Variants in AMZ1 observed in about 807,000 individuals in gnomAD.
AMZ1 encodes archaelysin family metallopeptidase 1.
A neutral mutation model predicts 29.9 loss-of-function variants in AMZ1; 39 were observed. The ratio of observed to expected loss-of-function variants is 1.30; its 90% CI spans 1.01 to 1.70. The LOEUF (loss-of-function observed/expected upper bound fraction) is 1.70. AMZ1 is among the 40% of genes most tolerant of loss of function. The pLI, the probability that AMZ1 is intolerant of heterozygous loss-of-function variation, is 0.00. For missense variants in AMZ1, 1,041 were observed against 680.6 expected (o/e 1.53, Z -5.89); for synonymous variants, 458 against 304.0 (o/e 1.51, Z -5.27).
At chr7:2,720,799 C>G (rs1028775283), downstream of AMZ1, among the ~76,000 whole-genome samples, 1 of 152,140 alleles carries the variant, frequency 6.6e-6, no homozygotes, top group African/African-American at 2.4e-5. Context: ...CCTCAGCCTC[C>G]TAAGTAGCTG....
At chr7:2,735,916 G>C (rs535129221) in intron 4 of AMZ1, among the ~76,000 whole-genome samples, 3 of 152,094 alleles carry the variant, frequency 2.0e-5, no homozygotes, top group African/African-American at 2.4e-5. Context: ...GGGACACAGA[G>C]CAACCCTGTG....
chr7:2,762,718 G>A (rs775101980), upstream of AMZ1: 26 of 1,562,712 alleles, frequency 1.7e-5, no homozygotes, highest in Admixed American at 1.9e-5. Flanking sequence ...CCAGAGGGAA[G>A]CAGGCCCCAT....
chr7:2,704,455 C>T (rs1788232793), intron 3 of AMZ1, among the ~76,000 whole-genome samples: 1 of 148,956 alleles, frequency 6.7e-6, no homozygotes, highest in African/African-American at 2.5e-5. Flanking sequence ...TCCCCTCTAT[C>T]CTGGGTGACA....
chr7:2,712,421 G>C lies in AMZ1; in HGVS notation c.1040G>C (p.Ser347Thr). The change falls in exon 7 of 7, where the codon AGC becomes ACC. Residue 347 changes from serine to threonine, a missense_variant. Transcript: ENST00000683327. Reference sequence around the variant, plus strand: ...GTGTGGGAGGACACCCCGCCTGCCAGCGCCGACTCGGGCATGTGCTGTGAG... The same window carrying C: ...GTGTGGGAGGACACCCCGCCTGCCACCGCCGACTCGGGCATGTGCTGTGAG... Reference protein sequence around the residue: ...PSVWEDTPPASADSGMCCESD... With the variant: ...PSVWEDTPPATADSGMCCESD... 6.2e-7 allele frequency: 1 copy of C among 1,611,916 alleles called. No homozygotes were observed. The highest frequency in any genetic ancestry group is 8.5e-7 in the Non-Finnish European group (1 of 1,179,676).
At chr7:2,747,956 T>C (rs976671105) in intron 4 of AMZ1, among the ~76,000 whole-genome samples, 32 of 151,324 alleles carry the variant, frequency 2.1e-4, no homozygotes, top group Admixed American at 5.3e-4. Flanking sequence ...TTACAAGGGA[T>C]GTGAAGGACC....
intron 1 of AMZ1, among the ~76,000 whole-genome samples, chr7:2,692,925 G>A (rs560489403): frequency 5.3e-5 from 8 of 152,190 alleles, no homozygotes; most frequent in African/African-American, 1.7e-4. Context: ...GCCCCCAGAC[G>A]TATCTGCTGC....
chr7:2,709,915 G>C, intron 6 of AMZ1, 99 bp downstream of exon 6: 17 of 1,504,770 alleles, frequency 1.1e-5, no homozygotes, highest in Non-Finnish European at 1.5e-5. Context: ...ACCGCACACA[G>C]GCTTTGTCAA....
upstream of AMZ1, among the ~76,000 whole-genome samples, chr7:2,761,643 C>A (rs1791560889): frequency 6.6e-6 from 1 of 152,120 alleles, no homozygotes; most frequent in African/African-American, 2.4e-5. Flanking sequence ...CAGGACGGAA[C>A]CCAAAGACAA....
chr7:2,718,785 G>C lies in AMZ1; in HGVS notation c.*5907G>C, dbSNP rs545740083. Among the ~76,000 whole-genome samples the C allele has an allele frequency of 1.3e-5, 2 of 152,162 alleles. No individual in the cohort carries two copies. The highest frequency in any genetic ancestry group is 4.8e-5 in the African/African-American group (2 of 41,442). ...GGCAGGCCAGGGCCGAGCTGCGTCC[G>C]GCTCTCAGGGACTTCCTCTCCCTGT... On this transcript the variant is annotated 3_prime_UTR_variant, in exon 7 of 7. Coordinates refer to ENST00000683327, the MANE Select transcript of AMZ1 (RefSeq NM_001384743.1).
chr7:2,760,910 G>A (rs1277322270), upstream of AMZ1, among the ~76,000 whole-genome samples: 1 of 151,812 alleles, frequency 6.6e-6, no homozygotes, highest in African/African-American at 2.4e-5. Context: ...GGTGGGGAGT[G>A]GGGGGTTCTG....
At chr7:2,739,720 G>A (rs1054345184) in intron 4 of AMZ1, among the ~76,000 whole-genome samples, 1 of 152,050 alleles carries the variant, frequency 6.6e-6, no homozygotes, top group Non-Finnish European at 1.5e-5. Flanking sequence ...CGTTGCTCAG[G>A]CTGAGTGTAG....
At chr7:2,706,083 C>T (rs964540931) in intron 3 of AMZ1, among the ~76,000 whole-genome samples, 2 of 152,228 alleles carry the variant, frequency 1.3e-5, no homozygotes, top group African/African-American at 4.8e-5. Context: ...CACGGGGGAG[C>T]CCTCGGGAAA....
In AMZ1 at chr7:2,736,269, G is replaced by A. The variant is rs59828898; in HGVS notation, n.550+26453G>A. 1.6e-3 allele frequency among the ~76,000 whole-genome samples: 236 copies of A among 152,242 alleles called. 3 individuals are homozygous for A. Among genetic ancestry groups the A allele is most frequent in the African/African-American group, 5.5e-3 (228 of 41,508 alleles). On this transcript the variant is annotated intron_variant and non_coding_transcript_variant, in intron 4 of 4. Transcript: ENST00000489665. ...CCAGAGTCCTCTCAACGGCTGCTGC[G>A]GTCACACGATCTAGAAACACGAGTG...
At chr7:2,739,506 T>C (rs1447304336) in intron 4 of AMZ1, among the ~76,000 whole-genome samples, 6 of 152,222 alleles carry the variant, frequency 3.9e-5, no homozygotes, top group African/African-American at 1.4e-4. Context: ...TTACATGCCA[T>C]TGTATGGATA....
chr7:2,743,635 C>A (rs1021287622), intron 4 of AMZ1, among the ~76,000 whole-genome samples: 1 of 152,152 alleles, frequency 6.6e-6, no homozygotes, highest in African/African-American at 2.4e-5. Flanking sequence ...GTGATTTCTG[C>A]ATTTCCAACT....
rs1392591589 is a variant in AMZ1, at chr7:2,715,138, C to A, written c.*2260C>A. 1 of 152,206 alleles carries A rather than the reference C, an allele frequency of 6.6e-6. No homozygotes were observed. 9.4% of individuals were successfully genotyped at this position (152,206 alleles called of 1,614,324 possible). On this transcript the variant is annotated 3_prime_UTR_variant, in exon 7 of 7. Coordinates refer to ENST00000683327, the MANE Select transcript of AMZ1 (RefSeq NM_001384743.1). ...GGACATCGGGAGGGTCAGATGGAAG[C>A]TCTGTGGCCTTTCCTAACTCGGCCT...
chr7:2,709,614 A>C (rs745388344), intron 5 of AMZ1, 26 bp from the exon 6 acceptor site: 3 of 1,600,450 alleles, frequency 1.9e-6, no homozygotes, highest in Non-Finnish European at 2.6e-6. Context: ...GCAGTGAGGC[A>C]AGGTGCTTGG....
At position 2,708,025 on chromosome 7, in the gene AMZ1, G is replaced by A. The variant is rs142430270; in HGVS notation, c.473-563G>A. Among the ~76,000 whole-genome samples, 1,389 of 151,976 alleles carry A rather than the reference G, an allele frequency of 9.1e-3. 31 individuals carry two copies. The highest frequency in any genetic ancestry group is 0.032 in the African/African-American group (1,336 of 41,490). ...TTTAGTAGAGATGGGGTTTTGTCAT[G>A]TTGGCCAGGCTGGTCTCGAACTCCT... On this transcript the variant is annotated intron_variant, in intron 3 of 6. Coordinates refer to ENST00000683327, the MANE Select transcript of AMZ1 (RefSeq NM_001384743.1).
intron 4 of AMZ1, among the ~76,000 whole-genome samples, chr7:2,743,857 G>T (rs115757943): frequency 6.6e-6 from 1 of 151,954 alleles, no homozygotes; most frequent in Non-Finnish European, 1.5e-5. Flanking sequence ...CTTAAAAAAC[G>T]GCACACCAGA....
Sources: allele counts gnomAD v4.1 joint callset (sites outside exome capture counted in the v4.1 genomes callset), GRCh38; gene constraint gnomAD v4.1.1; transcripts MANE v1.5; gene names NCBI Gene and HGNC (gene_info 2026-07-23, HGNC 2026-07-21).